Variants in TBC1D16 observed in about 807,000 individuals in gnomAD.
The protein encoded by TBC1D16 is TBC1 domain family member 16.
TBC1D16 carries 58 observed loss-of-function variants against 74.7 expected under a neutral mutation model. The observed-to-expected ratio is 0.78, with a 90% CI of 0.63 to 0.97. The LOEUF (loss-of-function observed/expected upper bound fraction) is 0.97, where lower values mean the gene tolerates loss of function less well. Ranked by LOEUF, TBC1D16 falls within the 50% of genes least tolerant of loss-of-function variation. TBC1D16 has a pLI of 0.00. For missense variants in TBC1D16, 1,014 were observed against 1,079.5 expected, an observed-to-expected ratio of 0.94 and a Z score of 0.85; for synonymous variants, 493 against 474.7, an observed-to-expected ratio of 1.04 and a Z score of -0.50.
chr17:79,942,313 G>T (rs1225785078), intron 10 of TBC1D16, 107 bp from the exon 11 acceptor site: 30 of 1,262,882 alleles, frequency 2.4e-5, no homozygotes, highest in Non-Finnish European at 3.3e-5. Flanking sequence ...AGGGCGAGGG[G>T]TCTGGGCTCA....
chr17:80,026,127 A>C (rs1203114765), intron 1 of TBC1D16: 3 of 150,282 alleles, frequency 2.0e-5, no homozygotes, highest in Non-Finnish European at 4.4e-5. Flanking sequence ...ATTTAATACT[A>C]AAAAGAAAGG....
At position 79,983,281 on chromosome 17, in the gene TBC1D16, T is replaced by C. The variant is rs1427931823; in HGVS notation, c.779+26879A>G. On this transcript the variant is annotated intron_variant, in intron 3 of 11. Coordinates refer to ENST00000310924, the MANE Select transcript of TBC1D16 (RefSeq NM_019020.4). The surrounding 1 kb of genome is among the most constrained non-coding windows in gnomAD (Gnocchi z 5.6). ...ACAGACCATGTAATCTCAGGGACTC[T>C]CAGCTGGCCCCACCCCAGGAAATGC... Among the ~76,000 whole-genome samples the C allele has an allele frequency of 6.6e-6, 1 of 152,196 alleles. No homozygotes were observed. Among genetic ancestry groups the C allele is most frequent in the Non-Finnish European group, 1.5e-5 (1 of 68,038 alleles).
chr17:79,958,300 A>T (rs2143850122), intron 3 of TBC1D16, among the ~76,000 whole-genome samples: 1 of 151,298 alleles, frequency 6.6e-6, no homozygotes, highest in Admixed American at 6.6e-5. Flanking sequence ...GCTCACTGCA[A>T]CCTCCACCTC....
At position 79,975,272 on chromosome 17, in the gene TBC1D16, A is replaced by C. The variant is rs1598374303; in HGVS notation, c.780-22454T>G. On this transcript the variant is annotated intron_variant, in intron 3 of 11. Transcript: ENST00000310924. The surrounding 1 kb of genome is among the most constrained non-coding windows in gnomAD (Gnocchi z 4.5). ...TTTGGGATTCAAGGAAGAACAAAAC[A>C]AACCCGATCTCCTGTAATCTACCTG... 6.6e-6 allele frequency among the ~76,000 whole-genome samples: 1 copy of C among 152,236 alleles called. No individual in the cohort carries two copies. The highest frequency in any genetic ancestry group is 1.9e-4 in the East Asian group (1 of 5,202).
chr17:80,026,793 G>A (rs535321537), intron 1 of TBC1D16, among the ~76,000 whole-genome samples: 6 of 149,954 alleles, frequency 4.0e-5, no homozygotes, highest in Admixed American at 2.6e-4. Context: ...TTTGAGGGGG[G>A]CAAAGAAAAC....
chr17:80,010,811 C>A lies in TBC1D16; in HGVS notation c.182-54G>T, dbSNP rs956317546. The A allele has an allele frequency of 1.2e-5, 16 of 1,343,706 alleles. No homozygotes were observed. The highest frequency in any genetic ancestry group is 1.5e-5 in the Non-Finnish European group (15 of 1,015,040). 83.2% of individuals were successfully genotyped at this position (1,343,706 alleles called of 1,614,324 possible). A position where few individuals can be genotyped will look rare whatever the true frequency, so the allele number is the denominator to read the frequency against. The stretch of plus-strand genomic sequence containing the variant: ...AGAGGCCAGGAGGCTGTGGATGAGG[C>A]CCTTGTGGTACCTTTGGCGAGCTGC... On this transcript the variant is annotated intron_variant, in intron 2 of 11. Coordinates refer to ENST00000310924, the MANE Select transcript of TBC1D16 (RefSeq NM_019020.4). The surrounding 1 kb of genome is among the most constrained non-coding windows in gnomAD (Gnocchi z 8.8).
chr17:79,969,095 T>C (rs1325585651), intron 3 of TBC1D16, among the ~76,000 whole-genome samples: 1 of 151,842 alleles, frequency 6.6e-6, no homozygotes, highest in Non-Finnish European at 1.5e-5. Context: ...CCTGGAGAAA[T>C]GCAAATCAAG....
At chr17:79,960,361 C>A (rs1357671494) in intron 3 of TBC1D16, among the ~76,000 whole-genome samples, 1 of 152,072 alleles carries the variant, frequency 6.6e-6, no homozygotes, top group East Asian at 1.9e-4. Flanking sequence ...AGGTGCTCGA[C>A]AGCATTCATT....
chr17:79,972,753 T>G (rs139189908), intron 3 of TBC1D16, among the ~76,000 whole-genome samples: 263 of 152,174 alleles, frequency 1.7e-3, no homozygotes, highest in Middle Eastern at 6.8e-3. Context: ...CATAACAATG[T>G]GAATATACCC....
In TBC1D16 at chr17:80,009,300, G is replaced by A. The variant is rs1452171360; in HGVS notation, c.779+860C>T. On this transcript the variant is annotated intron_variant, in intron 3 of 11. Coordinates refer to ENST00000310924, the MANE Select transcript of TBC1D16 (RefSeq NM_019020.4). This position sits in a 1 kb window ranked among gnomAD's most constrained non-coding sequence, Gnocchi z 5.4. ...AATGAGCGTAAGGACCACAGCCGGG[G>A]CATAGGAAGGGGCTGTGGAAGTCGG... Among the ~76,000 whole-genome samples the A allele has an allele frequency of 6.6e-6, 1 of 152,230 alleles. No homozygotes were observed. Among genetic ancestry groups the A allele is most frequent in the Non-Finnish European group, 1.5e-5 (1 of 68,030 alleles).
At chr17:80,026,723 GC>G (rs766289274) in intron 1 of TBC1D16, among the ~76,000 whole-genome samples, 1 of 149,986 alleles carries the variant, frequency 6.7e-6, no homozygotes, top group Non-Finnish European at 1.5e-5. Flanking sequence ...AATGGCCCTT[GC>G]CCACAGCAGT....
chr17:79,938,703 C>T lies in TBC1D16; in HGVS notation c.*2156G>A, dbSNP rs1333368700. 1.3e-5 allele frequency: 2 copies of T among 152,302 alleles called. No individual in the cohort carries two copies. The highest frequency in any genetic ancestry group is 2.9e-5 in the Non-Finnish European group (2 of 68,098). The allele number at this position is 152,302 out of a possible 1,614,324, so 9.4% of individuals were successfully genotyped here. A position where few individuals can be genotyped will look rare whatever the true frequency, so the allele number is the denominator to read the frequency against. The stretch of plus-strand genomic sequence containing the variant: ...CTGCCACCCGACTGTGCAGAGCGGA[C>T]AATAAAGTGGCAGGCCTGTCCCCCA... On this transcript the variant is annotated 3_prime_UTR_variant, in exon 12 of 12. Transcript: ENST00000310924.
chr17:80,018,181 A>C (rs898015364), intron 1 of TBC1D16, among the ~76,000 whole-genome samples: 2 of 136,252 alleles, frequency 1.5e-5, no homozygotes, highest in African/African-American at 6.8e-5. Context: ...TGGTAAGCAA[A>C]AAAAAAAAAA....
intron 1 of TBC1D16, among the ~76,000 whole-genome samples, chr17:80,030,629 G>A (rs539244326): frequency 2.6e-5 from 4 of 152,178 alleles, no homozygotes; most frequent in Admixed American, 1.3e-4. Context: ...GCCGTGCACC[G>A]GCCTCAGGGC....
chr17:79,991,977 G>C (rs1380228791), intron 3 of TBC1D16: 1 of 152,308 alleles, frequency 6.6e-6, no homozygotes, highest in African/African-American at 2.4e-5. Flanking sequence ...ACTCTGCAAA[G>C]GGCCGGGGGC....
chr17:80,021,911 A>ATACACACACACTC (rs2036301010), intron 1 of TBC1D16, among the ~76,000 whole-genome samples: 1 of 60,062 alleles, frequency 1.7e-5, no homozygotes, highest in Non-Finnish European at 4.0e-5. Context: ...GACACACACC[A>ATACACACACACTC]TGACACACAC....
At position 80,009,027 on chromosome 17, in the gene TBC1D16, C is replaced by T. The variant is rs1051896062; in HGVS notation, c.779+1133G>A. On this transcript the variant is annotated intron_variant, in intron 3 of 11. Transcript: ENST00000310924. The surrounding 1 kb of genome is among the most constrained non-coding windows in gnomAD (Gnocchi z 5.4). Reference sequence around the variant, plus strand: ...CCCCTGGCAAGCTGCTGACCTTCTCCGAGCCGCCCTTTCCCCTTCGATAGC... The same window carrying T: ...CCCCTGGCAAGCTGCTGACCTTCTCTGAGCCGCCCTTTCCCCTTCGATAGC... Among the ~76,000 whole-genome samples the T allele has an allele frequency of 2.6e-5, 4 of 152,214 alleles. No individual in the cohort carries two copies. The highest frequency in any genetic ancestry group is 2.1e-4 in the South Asian group (1 of 4,836).
intron 3 of TBC1D16, among the ~76,000 whole-genome samples, chr17:79,997,699 G>A (rs1371034450): frequency 2.6e-5 from 4 of 152,138 alleles, no homozygotes; most frequent in Non-Finnish European, 4.4e-5. Flanking sequence ...TGTAACTGAT[G>A]AGCCAATATT....
rs1422831181 is a variant in TBC1D16 at position 80,010,516 on chromosome 17, G to T, written c.423C>A (p.Ile141=). 6.2e-7 allele frequency: 1 copy of T among 1,611,236 alleles called. No homozygotes were observed. Among genetic ancestry groups the T allele is most frequent in the Non-Finnish European group, 8.5e-7 (1 of 1,178,980 alleles). ...RPTLTPKDED[I]LVVAQSVPDR... ...CTGGAACACTCTGGGCCACCACCAG[G>T]ATGTCCTCATCTTTGGGGGTCAGGG... The change falls in exon 3 of 12, where the codon ATC becomes ATA. Residue 141 remains isoleucine, a synonymous_variant. Coordinates refer to ENST00000310924, the MANE Select transcript of TBC1D16 (RefSeq NM_019020.4). This position sits in a 1 kb window ranked among gnomAD's most constrained non-coding sequence, Gnocchi z 8.8.
Sources: gnomAD v4.1 joint callset for allele counts (sites outside exome capture counted in the v4.1 genomes callset) on GRCh38, gnomAD v4.1.1 for gene constraint, Gnocchi (gnomAD v3.1) non-coding constraint, MANE v1.5 for transcripts, NCBI Gene and HGNC (gene_info 2026-07-23, HGNC 2026-07-21) for gene names.